PDE3B: variants seen among roughly 807,000 people sequenced by gnomAD.
PDE3B encodes the protein phosphodiesterase 3B.
A neutral mutation model predicts 116.8 loss-of-function variants in PDE3B; 66 were observed. That is an observed-to-expected ratio of 0.56 (90% CI 0.46 to 0.69). The LOEUF is 0.69. Among genes scored for constraint, PDE3B ranks in the 30% least tolerant of loss-of-function variants. The pLI, the probability that PDE3B is intolerant of heterozygous loss-of-function variation, is 0.00. For synonymous variants in PDE3B, 595 were observed against 533.6 expected, an observed-to-expected ratio of 1.12 and a Z score of -1.59; for missense variants, 1,384 against 1,368.1, an observed-to-expected ratio of 1.01 and a Z score of -0.18.
At chr11:14,865,801 G>A (rs1229757481) in intron 14 of PDE3B, among the ~76,000 whole-genome samples, 1 of 151,862 alleles carries the variant, frequency 6.6e-6, no homozygotes, top group Admixed American at 6.6e-5. Context: ...TTTATGCTAG[G>A]GAAAATGTTA....
At chr11:14,815,960 C>G (rs1295724360) in intron 5 of PDE3B, among the ~76,000 whole-genome samples, 4 of 151,642 alleles carry the variant, frequency 2.6e-5, no homozygotes, top group Non-Finnish European at 1.5e-5. Context: ...CACACACACA[C>G]ACACACACAC....
At chr11:14,822,423 A>G (rs1378592524) in intron 7 of PDE3B, among the ~76,000 whole-genome samples, 2 of 152,248 alleles carry the variant, frequency 1.3e-5, no homozygotes, top group East Asian at 3.8e-4. Flanking sequence ...GTTGGGATTC[A>G]TCAAGAAAAC....
chr11:14,857,128 C>A lies in PDE3B; in HGVS notation c.2521-1915C>A, dbSNP rs374536974. Among the ~76,000 whole-genome samples the A allele has an allele frequency of 3.7e-4, 57 of 152,216 alleles. No individual in the cohort carries two copies. The Middle Eastern group carries it at 0.014, about 37-fold the overall frequency. On this transcript the variant is annotated intron_variant, in intron 12 of 15. Coordinates refer to ENST00000282096, the MANE Select transcript of PDE3B (RefSeq NM_000922.4). ...GAGGGTGAAAAGTAAGATTTATGAC[C>A]AACTAATTTGTTTTGCCAAAGTATT...
chr11:14,764,912 G>T (rs1590125587), intron 1 of PDE3B, among the ~76,000 whole-genome samples: 1 of 150,786 alleles, frequency 6.6e-6, no homozygotes, highest in Middle Eastern at 3.5e-3. Flanking sequence ...TCTGAATAGG[G>T]TTATTTCTTT....
rs751939243 is a variant in PDE3B at position 14,804,076 on chromosome 11, A to G, written c.1522+26A>G. On this transcript the variant is annotated intron_variant, in intron 5 of 15. Coordinates refer to ENST00000282096, the MANE Select transcript of PDE3B (RefSeq NM_000922.4). ...GTAAGAAATCATTCTTTATGACTCA[A>G]ATATGGGGGTTCTCAAAGTATATGG... is the stretch of plus-strand genomic sequence containing the variant. 7.4e-6 allele frequency: 9 copies of G among 1,213,862 alleles called. No individual in the cohort carries two copies. The Admixed American group carries it at 8.5e-5, about 11-fold the overall frequency. 75.2% of individuals were successfully genotyped at this position (1,213,862 alleles called of 1,614,324 possible). A position where few individuals can be genotyped will look rare whatever the true frequency, so the allele number is the denominator to read the frequency against.
intron 1 of PDE3B, among the ~76,000 whole-genome samples, chr11:14,728,440 CAG>C (rs1465264606): frequency 6.6e-6 from 1 of 151,986 alleles, no homozygotes; most frequent in African/African-American, 2.4e-5. Context: ...CTAAGGGAAT[CAG>C]AGAAAAGGAA....
chr11:14,888,846 T>G, the PDE3B span, among the ~76,000 whole-genome samples: 1 of 152,210 alleles, frequency 6.6e-6, no homozygotes. Flanking sequence ...GGAATTATTT[T>G]ATTGTCCTGA....
In PDE3B at chr11:14,644,474, C is replaced by G. The variant is rs370029088; in HGVS notation, c.399C>G (p.Thr133=). ...TCGCCTGTGCCTTCTTCTTCCTCAC[C>G]TGCTTCCTCACCCGGACCAAGCGGG... ...FSIACAFFFL[T]CFLTRTKRGP... is the part of the protein sequence containing the mutation. Residue 133 remains threonine (T), a synonymous_variant, in exon 1 of 16, where the codon ACC becomes ACG. Transcript: ENST00000282096. The G allele has an allele frequency of 6.2e-7, 1 of 1,613,076 alleles. No homozygotes were observed. Among genetic ancestry groups the G allele is most frequent in the South Asian group, 1.1e-5 (1 of 91,036 alleles).
rs190269334 is a variant in PDE3B, at chr11:14,644,486, C to T, written c.411C>T (p.Thr137=). The change falls in exon 1 of 16, where the codon ACC becomes ACT. Residue 137 remains threonine (T), a synonymous_variant. Coordinates refer to ENST00000282096, the MANE Select transcript of PDE3B (RefSeq NM_000922.4). ...TCTTCTTCCTCACCTGCTTCCTCAC[C>T]CGGACCAAGCGGGGACCCGGCCCGG... ...CAFFFLTCFL[T]RTKRGPGPGR... The T allele has an allele frequency of 5.0e-6, 8 of 1,612,860 alleles. No homozygotes were observed. Among genetic ancestry groups the T allele is most frequent in the South Asian group, 1.1e-5 (1 of 90,994 alleles).
chr11:14,897,606 G>T, the PDE3B span, among the ~76,000 whole-genome samples: 1 of 152,130 alleles, frequency 6.6e-6, no homozygotes, highest in Non-Finnish European at 1.5e-5. Context: ...ATTATCTTCT[G>T]GTCTTCAGAA....
At chr11:14,702,652 T>TAAAATG (rs1167283054) in intron 1 of PDE3B, among the ~76,000 whole-genome samples, 5 of 151,874 alleles carry the variant, frequency 3.3e-5, no homozygotes, top group Admixed American at 6.6e-5. Context: ...AAATTAAAAT[T>TAAAATG]AAAATGAATG....
At chr11:14,836,667 G>T (rs572946987) in intron 11 of PDE3B, among the ~76,000 whole-genome samples, 2 of 152,284 alleles carry the variant, frequency 1.3e-5, no homozygotes, top group African/African-American at 2.4e-5. Flanking sequence ...TTACAGTTCT[G>T]GAGGTCAGAA....
intron 1 of PDE3B, among the ~76,000 whole-genome samples, chr11:14,771,050 A>G (rs900060786): frequency 4.6e-5 from 7 of 151,702 alleles, no homozygotes; most frequent in Non-Finnish European, 1.0e-4. Flanking sequence ...TGCAACCAGA[A>G]AACTTAAGCC....
At chr11:14,727,346 G>A (rs1305117490) in intron 1 of PDE3B, among the ~76,000 whole-genome samples, 1 of 152,006 alleles carries the variant, frequency 6.6e-6, no homozygotes, top group Admixed American at 6.6e-5. Flanking sequence ...ACCATGGGAG[G>A]CAGGTGCTAT....
intron 1 of PDE3B, among the ~76,000 whole-genome samples, chr11:14,704,790 A>T (rs1565099445): frequency 1.3e-5 from 2 of 151,720 alleles, no homozygotes; most frequent in African/African-American, 4.8e-5. Context: ...AACTAAAAAA[A>T]GCTGTAAGAC....
In PDE3B at chr11:14,747,230, C is replaced by T. The variant is rs182563505; in HGVS notation, c.979-24707C>T. Among the ~76,000 whole-genome samples, 42 of 152,324 alleles carry T rather than the reference C, an allele frequency of 2.8e-4. No homozygotes were observed. In the East Asian group the frequency reaches 7.7e-3, roughly 28 times the overall value. On this transcript the variant is annotated intron_variant, in intron 1 of 15. Transcript: ENST00000282096. ...GCCCCATGATCTAGTCACCTCCCAG[C>T]AGGCCCCACCTTCAACTTTGGGAAT...
At chr11:14,821,989 T>C (rs1036657436) in intron 7 of PDE3B, among the ~76,000 whole-genome samples, 3 of 151,764 alleles carry the variant, frequency 2.0e-5, no homozygotes, top group African/African-American at 7.3e-5. Context: ...TCACTGCAGC[T>C]TCCAACTCCT....
At chr11:14,683,390 T>C (rs976770822) in intron 1 of PDE3B, among the ~76,000 whole-genome samples, 2 of 152,176 alleles carry the variant, frequency 1.3e-5, no homozygotes, top group Non-Finnish European at 2.9e-5. Context: ...TATCTCATCA[T>C]TGGTGAGCTT....
chr11:14,849,504 A>G (rs1451227134), intron 12 of PDE3B, among the ~76,000 whole-genome samples: 3 of 152,222 alleles, frequency 2.0e-5, no homozygotes, highest in South Asian at 2.1e-4. Flanking sequence ...AATTAAACTC[A>G]AGAGCTTCTG....
Sources: gnomAD v4.1 joint callset for allele counts (sites outside exome capture counted in the v4.1 genomes callset) on GRCh38, gnomAD v4.1.1 for gene constraint, MANE v1.5 for transcripts, NCBI Gene and HGNC (gene_info 2026-07-23, HGNC 2026-07-21) for gene names.